The following EDIL3 variants were observed in gnomAD, a reference collection of about 807,000 sequenced individuals.
EDIL3 encodes EGF-like repeat and discoidin I-like domain-containing protein 3.
A neutral mutation model predicts 67.4 loss-of-function variants in EDIL3; 37 were observed. That is an observed-to-expected ratio of 0.55 (90% CI 0.42 to 0.72). The LOEUF (loss-of-function observed/expected upper bound fraction) is 0.72, where lower values mean the gene tolerates loss of function less well. EDIL3 is among the 30% of genes least tolerant of loss of function. EDIL3 has a pLI of 0.00. For synonymous variants in EDIL3, 195 were observed against 196.3 expected, an observed-to-expected ratio of 0.99 and a Z score of 0.05; for missense variants, 527 against 586.3, an observed-to-expected ratio of 0.90 and a Z score of 1.04.
intron 4 of EDIL3, among the ~76,000 whole-genome samples, chr5:84,153,028 T>C (rs549521279): frequency 6.6e-6 from 1 of 152,322 alleles, no homozygotes; most frequent in East Asian, 1.9e-4. Context: ...AACCTTATTA[T>C]TATCTATCAG....
In EDIL3 at chr5:84,180,484, G is replaced by T; in HGVS notation, c.264C>A (p.Thr88=). 3 of 1,607,462 alleles carry T rather than the reference G, an allele frequency of 1.9e-6. No individual in the cohort carries two copies. Among genetic ancestry groups the T allele is most frequent in the Non-Finnish European group, 2.5e-6 (3 of 1,176,774 alleles). The change falls in exon 4 of 11, where the codon ACC becomes ACA. Residue 88 remains threonine, a synonymous_variant. Transcript: ENST00000296591. ...CTCGGTATGCTTCACTTATTTCACAGGTTCCTCCATTATGGCATGGATTAG... is the reference window on the plus strand; with the variant it reads ...CTCGGTATGCTTCACTTATTTCACATGTTCCTCCATTATGGCATGGATTAG... ...CTPNPCHNGG[T]CEISEAYRGD...
chr5:84,073,383 A>G (rs1229568758), intron 6 of EDIL3, among the ~76,000 whole-genome samples: 1 of 152,196 alleles, frequency 6.6e-6, no homozygotes, highest in African/African-American at 2.4e-5. Flanking sequence ...AGTGTATTCA[A>G]TTAGGAAAAG....
At chr5:84,191,790 T>C (rs911047457) in intron 3 of EDIL3, among the ~76,000 whole-genome samples, 6 of 152,064 alleles carry the variant, frequency 3.9e-5, no homozygotes, top group Admixed American at 1.3e-4. Context: ...TCATTTTTAC[T>C]TTTTATCATA....
chr5:84,207,189 T>G, intron 3 of EDIL3, among the ~76,000 whole-genome samples: 1 of 152,150 alleles, frequency 6.6e-6, no homozygotes, highest in Non-Finnish European at 1.5e-5. Flanking sequence ...AGAAGCAACT[T>G]CAGCAAAGTC....
chr5:84,282,871 T>G (rs375981979), intron 1 of EDIL3, among the ~76,000 whole-genome samples: 1 of 152,214 alleles, frequency 6.6e-6, no homozygotes, highest in African/African-American at 2.4e-5. Flanking sequence ...TAGTTAAGTA[T>G]ATAATATTAA....
intron 9 of EDIL3, among the ~76,000 whole-genome samples, chr5:83,980,846 G>C (rs1267208009): frequency 2.0e-5 from 3 of 151,426 alleles, no homozygotes; most frequent in Non-Finnish European, 4.4e-5. Flanking sequence ...CTATATCCTA[G>C]TGATGAACGA....
chr5:84,215,420 A>AT (rs1561223991), intron 3 of EDIL3, among the ~76,000 whole-genome samples: 1 of 152,044 alleles, frequency 6.6e-6, no homozygotes, highest in African/African-American at 2.4e-5. Context: ...CACCTGGCTA[A>AT]TTTTTTGTAT....
At chr5:84,018,541 T>C (rs971523125) in intron 9 of EDIL3, among the ~76,000 whole-genome samples, 1 of 152,158 alleles carries the variant, frequency 6.6e-6, no homozygotes, top group Admixed American at 6.6e-5. Flanking sequence ...CTCAACCTTA[T>C]TCTACTATCA....
chr5:84,084,385 C>T (rs1163203102), intron 6 of EDIL3, among the ~76,000 whole-genome samples: 1 of 151,988 alleles, frequency 6.6e-6, no homozygotes, highest in Admixed American at 6.6e-5. Flanking sequence ...TTACTCTGAC[C>T]TAAATTTAGA....
At chr5:84,208,926 C>G (rs1252102142) in intron 3 of EDIL3, among the ~76,000 whole-genome samples, 2 of 151,652 alleles carry the variant, frequency 1.3e-5, no homozygotes, top group Admixed American at 6.6e-5. Flanking sequence ...ACATGCACAT[C>G]TATGTTTATT....
At chr5:84,187,408 A>T (rs1362591409) in intron 3 of EDIL3, among the ~76,000 whole-genome samples, 1 of 152,114 alleles carries the variant, frequency 6.6e-6, no homozygotes, top group Non-Finnish European at 1.5e-5. Context: ...ACACAAGCAG[A>T]TTATTAGAAA....
At chr5:84,345,028 A>C (rs1747209192) in intron 1 of EDIL3, among the ~76,000 whole-genome samples, 1 of 152,320 alleles carries the variant, frequency 6.6e-6, no homozygotes, top group Middle Eastern at 3.4e-3. Flanking sequence ...ATTTTCAAAT[A>C]AACATTTGGG....
At chr5:83,984,315 AAAC>A (rs1745023476) in intron 9 of EDIL3, among the ~76,000 whole-genome samples, 1 of 152,062 alleles carries the variant, frequency 6.6e-6, no homozygotes, top group African/African-American at 2.4e-5. Flanking sequence ...ATCTGGCAAA[AAAC>A]AACAGGTAAA....
At chr5:84,187,381 C>A (rs6864063) in intron 3 of EDIL3, among the ~76,000 whole-genome samples, 7 of 152,104 alleles carry the variant, frequency 4.6e-5, no homozygotes, top group African/African-American at 1.7e-4. Context: ...TGCCCGAAAT[C>A]ATGAATAACT....
chr5:84,356,895 T>C (rs1747497460), intron 1 of EDIL3, among the ~76,000 whole-genome samples: 1 of 140,464 alleles, frequency 7.1e-6, no homozygotes, highest in African/African-American at 2.7e-5. Flanking sequence ...CTTTCTTTTT[T>C]TTTTTTTTTT....
chr5:84,252,904 G>C (rs2112074752), intron 2 of EDIL3, among the ~76,000 whole-genome samples: 1 of 152,104 alleles, frequency 6.6e-6, no homozygotes, highest in Admixed American at 6.5e-5. Context: ...TATCTTTGAA[G>C]ATGAATTAAA....
intron 5 of EDIL3, among the ~76,000 whole-genome samples, chr5:84,111,194 T>A (rs559292624): frequency 1.3e-5 from 2 of 152,286 alleles, no homozygotes; most frequent in African/African-American, 4.8e-5. Flanking sequence ...ATGCTTCCTA[T>A]ACAGCTTGTG....
chr5:84,289,964 T>C (rs1245177077), intron 1 of EDIL3, among the ~76,000 whole-genome samples: 1 of 152,164 alleles, frequency 6.6e-6, no homozygotes, highest in Non-Finnish European at 1.5e-5. Flanking sequence ...TCCCACTGCC[T>C]AATGAAAAGA....
At chr5:83,963,068 G>A (rs1167079130) in intron 10 of EDIL3, 137 bp downstream of exon 10, 3 of 1,181,340 alleles carry the variant, frequency 2.5e-6, no homozygotes, top group Non-Finnish European at 3.4e-6. Flanking sequence ...ATTCTTTAAA[G>A]CTTTTTATTT....
Sources: gnomAD v4.1 joint callset for allele counts (sites outside exome capture counted in the v4.1 genomes callset) on GRCh38, gnomAD v4.1.1 for gene constraint, MANE v1.5 for transcripts, NCBI Gene and HGNC (gene_info 2026-07-23, HGNC 2026-07-21) for gene names.